PPARGC1A: variants seen among roughly 807,000 people sequenced by gnomAD.
The protein encoded by PPARGC1A is PPARG coactivator 1 alpha.
A neutral mutation model predicts 88.7 loss-of-function variants in PPARGC1A; 25 were observed. That is an observed-to-expected ratio of 0.28 (90% CI 0.21 to 0.39). The LOEUF is 0.39. Ranked by LOEUF, PPARGC1A falls within the 10% of genes least tolerant of loss-of-function variation. The pLI, the probability that PPARGC1A is intolerant of heterozygous loss-of-function variation, is 1.00. For synonymous variants in PPARGC1A, 363 were observed against 355.6 expected (o/e 1.02, Z -0.24); for missense variants, 880 against 968.7 (o/e 0.91, Z 1.22).
the PPARGC1A span, among the ~76,000 whole-genome samples, chr4:24,094,637 G>A: frequency 6.6e-6 from 1 of 152,212 alleles, no homozygotes; most frequent in Non-Finnish European, 1.5e-5. Context: ...GGAAATTAAT[G>A]AAAGCAAAGT....
the PPARGC1A span, among the ~76,000 whole-genome samples, chr4:24,079,572 G>T: frequency 6.6e-6 from 1 of 151,848 alleles, no homozygotes; most frequent in Admixed American, 6.6e-5. Flanking sequence ...ACAATTCTTA[G>T]AATTTATCTC....
At chr4:23,817,514 A>G (rs1722197973) in intron 7 of PPARGC1A, among the ~76,000 whole-genome samples, 1 of 152,134 alleles carries the variant, frequency 6.6e-6, no homozygotes, top group African/African-American at 2.4e-5. Context: ...AATTTGACAT[A>G]AGTATATTTT....
At chr4:24,433,881 G>A in the PPARGC1A span, among the ~76,000 whole-genome samples, 1 of 152,122 alleles carries the variant, frequency 6.6e-6, no homozygotes, top group Non-Finnish European at 1.5e-5. Flanking sequence ...GGACCAGATG[G>A]TGTTCTCCTG....
At chr4:24,065,269 A>C in the PPARGC1A span, among the ~76,000 whole-genome samples, 42,051 of 151,722 alleles carry the variant, frequency 0.28, 5,997 homozygotes, top group Admixed American at 0.37. Flanking sequence ...GCCAGCATCT[A>C]GGTGAGTCCA....
chr4:24,340,647 G>C, the PPARGC1A span, among the ~76,000 whole-genome samples: 9 of 151,924 alleles, frequency 5.9e-5, no homozygotes, highest in Non-Finnish European at 1.2e-4. Flanking sequence ...TGGGGTTTCC[G>C]TCCACATCTA....
the PPARGC1A span, among the ~76,000 whole-genome samples, chr4:23,967,149 T>C: frequency 3.3e-5 from 5 of 152,180 alleles, no homozygotes; most frequent in African/African-American, 4.8e-5. Context: ...AAAAGCCATA[T>C]GCAATATCAT....
the PPARGC1A span, among the ~76,000 whole-genome samples, chr4:24,151,717 A>G: frequency 6.6e-6 from 1 of 152,330 alleles, no homozygotes; most frequent in African/African-American, 2.4e-5. Context: ...AAAAAGGCAC[A>G]GAGAGTTAGT....
the PPARGC1A span, among the ~76,000 whole-genome samples, chr4:24,253,340 T>C: frequency 3.9e-5 from 6 of 152,334 alleles, no homozygotes; most frequent in East Asian, 1.2e-3. Flanking sequence ...TTATGAGCAC[T>C]AGAGGCAAGG....
At chr4:24,156,627 T>C in the PPARGC1A span, among the ~76,000 whole-genome samples, 1 of 152,184 alleles carries the variant, frequency 6.6e-6, no homozygotes, top group Non-Finnish European at 1.5e-5. Flanking sequence ...AAAATGTATA[T>C]GAGAACATGA....
the PPARGC1A span, among the ~76,000 whole-genome samples, chr4:24,121,176 T>C: frequency 6.6e-6 from 1 of 152,096 alleles, no homozygotes; most frequent in Non-Finnish European, 1.5e-5. Flanking sequence ...GCCACTAGGG[T>C]GGCCAGAGCT....
the PPARGC1A span, among the ~76,000 whole-genome samples, chr4:24,145,452 G>A: frequency 2.6e-5 from 4 of 152,272 alleles, no homozygotes; most frequent in South Asian, 2.1e-4. Flanking sequence ...TCTTGCCAAC[G>A]TCACCTCATC....
the PPARGC1A span, among the ~76,000 whole-genome samples, chr4:24,245,266 C>A: frequency 1.6e-4 from 24 of 152,216 alleles, no homozygotes; most frequent in Admixed American, 3.3e-4. Flanking sequence ...CATCATGGGC[C>A]TGTGTGGCCC....
intron 2 of PPARGC1A, among the ~76,000 whole-genome samples, chr4:23,852,993 CA>C (rs1207028882): frequency 6.6e-6 from 1 of 152,076 alleles, no homozygotes; most frequent in Non-Finnish European, 1.5e-5. Flanking sequence ...GAAATAATTC[CA>C]ATCAAAATTA....
At chr4:24,184,040 T>G in the PPARGC1A span, among the ~76,000 whole-genome samples, 1 of 152,206 alleles carries the variant, frequency 6.6e-6, no homozygotes, top group Non-Finnish European at 1.5e-5. Flanking sequence ...ACTCTCTCAG[T>G]TGCACTTCTG....
At chr4:23,958,564 G>T in the PPARGC1A span, among the ~76,000 whole-genome samples, 1 of 151,952 alleles carries the variant, frequency 6.6e-6, no homozygotes, top group East Asian at 1.9e-4. Flanking sequence ...TGCCTTAATG[G>T]TATCAATTTT....
the PPARGC1A span, among the ~76,000 whole-genome samples, chr4:23,954,562 T>C: frequency 6.6e-6 from 1 of 152,024 alleles, no homozygotes; most frequent in Admixed American, 6.6e-5. Flanking sequence ...TCATATAACA[T>C]AATTTTAGCA....
At chr4:24,161,700 G>T in the PPARGC1A span, among the ~76,000 whole-genome samples, 1 of 152,154 alleles carries the variant, frequency 6.6e-6, no homozygotes, top group Non-Finnish European at 1.5e-5. Context: ...GTAGTTCAGA[G>T]AGGTTCCGAT....
At chr4:24,135,936 C>A in the PPARGC1A span, among the ~76,000 whole-genome samples, 1 of 152,128 alleles carries the variant, frequency 6.6e-6, no homozygotes, top group African/African-American at 2.4e-5. Flanking sequence ...ACTTACCTGG[C>A]CCTGCCAAGG....
chr4:24,470,891 A>C, the PPARGC1A span, among the ~76,000 whole-genome samples: 1 of 151,636 alleles, frequency 6.6e-6, no homozygotes, highest in African/African-American at 2.4e-5. The surrounding 1 kb of genome is among the most constrained non-coding windows in gnomAD (Gnocchi z 5.8). Context: ...GGCAGCTAGT[A>C]GTTTGGCGAT....
Sources: gnomAD v4.1 joint callset for allele counts (sites outside exome capture counted in the v4.1 genomes callset) on GRCh38, gnomAD v4.1.1 for gene constraint, Gnocchi (gnomAD v3.1) non-coding constraint, MANE v1.5 for transcripts, NCBI Gene and HGNC (gene_info 2026-07-23, HGNC 2026-07-21) for gene names.